Variants in ESRRG observed in about 807,000 individuals in gnomAD.
The protein encoded by ESRRG is estrogen related receptor gamma, also known as estrogen-related receptor gamma.
Under a neutral mutation model 44.0 loss-of-function variants are expected in ESRRG, and 13 were observed. The ratio of observed to expected loss-of-function variants is 0.30; its 90% CI spans 0.19 to 0.47. ESRRG has a LOEUF of 0.47. Ranked by LOEUF, ESRRG falls within the 20% of genes least tolerant of loss-of-function variation. The pLI is 1.00. For missense variants in ESRRG, 395 were observed against 580.6 expected, an observed-to-expected ratio of 0.68 and a Z score of 3.29; for synonymous variants, 215 against 214.6, an observed-to-expected ratio of 1.00 and a Z score of -0.02.
chr1:216,910,563 G>C (rs2060187714), intron 2 of ESRRG, among the ~76,000 whole-genome samples: 1 of 152,142 alleles, frequency 6.6e-6, no homozygotes, highest in Non-Finnish European at 1.5e-5. Context: ...TTCAGCACAA[G>C]TCACAGGACT....
chr1:216,928,585 C>T (rs1338524081), intron 2 of ESRRG, among the ~76,000 whole-genome samples: 1 of 152,072 alleles, frequency 6.6e-6, no homozygotes, highest in Non-Finnish European at 1.5e-5. Flanking sequence ...TCCATCTATC[C>T]TTTCCTTCCC....
At position 216,677,475 on chromosome 1, in the gene ESRRG, A is replaced by G. The variant is rs779156008; in HGVS notation, c.73T>C (p.Ser25Pro). 7 of 1,609,152 alleles carry G rather than the reference A, an allele frequency of 4.4e-6. No individual in the cohort carries two copies. In the African/African-American group the frequency reaches 5.3e-5, roughly 12 times the overall value. ...GAATCAATGTGTCGATCTTTGTTTG[A>G]CATTCTGCAGAGAAGCCTGAGATTG... is the stretch of plus-strand genomic sequence containing the variant. ...HYEEELLCRM[S>P]NKDRHIDSSC... Residue 25 changes from serine to proline, a missense_variant, in exon 2 of 7, where the codon TCA becomes CCA. By Grantham distance (74) the Ser-to-Pro change is moderately conservative (BLOSUM62 -1). Around this residue, in one of 5 missense-constraint regions of ESRRG, gnomAD observed 148 missense variants for 150.4 expected, o/e 0.98. Transcript: ENST00000408911.
chr1:216,620,706 T>C (rs2062085814), intron 3 of ESRRG, among the ~76,000 whole-genome samples: 1 of 152,150 alleles, frequency 6.6e-6, no homozygotes, highest in African/African-American at 2.4e-5. Flanking sequence ...AAGACATATT[T>C]TATTTGACCT....
chr1:216,521,572 A>T (rs1022621154), intron 5 of ESRRG, among the ~76,000 whole-genome samples: 2 of 152,120 alleles, frequency 1.3e-5, no homozygotes, highest in Non-Finnish European at 2.9e-5. Flanking sequence ...CAGCAGATGG[A>T]CAGAGCGTGT....
intron 2 of ESRRG, among the ~76,000 whole-genome samples, chr1:216,810,784 T>C (rs2094946050): frequency 6.7e-6 from 1 of 148,320 alleles, no homozygotes; most frequent in South Asian, 2.1e-4. Context: ...TATACATGTA[T>C]ATTTAACTAA....
At chr1:216,797,434 T>C (rs529187941) in intron 2 of ESRRG, among the ~76,000 whole-genome samples, 31 of 152,254 alleles carry the variant, frequency 2.0e-4, no homozygotes, top group African/African-American at 7.2e-4. Context: ...GGAACTATGT[T>C]CTGCAGTACC....
At chr1:216,823,130 C>T (rs573376873) in intron 2 of ESRRG, among the ~76,000 whole-genome samples, 3 of 151,566 alleles carry the variant, frequency 2.0e-5, no homozygotes, top group South Asian at 2.1e-4. Flanking sequence ...ATCTCGGTGC[C>T]GGATTTCATC....
chr1:216,556,254 G>T (rs1399595740), intron 5 of ESRRG, among the ~76,000 whole-genome samples: 1 of 152,024 alleles, frequency 6.6e-6, no homozygotes, highest in African/African-American at 2.4e-5. Flanking sequence ...CCTGGGCCAG[G>T]TCTATAGGAT....
chr1:216,922,842 A>T (rs1200597755), intron 2 of ESRRG, among the ~76,000 whole-genome samples: 6 of 152,174 alleles, frequency 3.9e-5, no homozygotes, highest in Admixed American at 2.0e-4. Flanking sequence ...TTGTGGCAGC[A>T]AGAGCCATAC....
chr1:217,074,048 CTTT>C (rs1181569293), intron 1 of ESRRG, among the ~76,000 whole-genome samples: 5 of 134,374 alleles, frequency 3.7e-5, no homozygotes, highest in Non-Finnish European at 1.6e-5. Context: ...ATTATGAATG[CTTT>C]TTTTTTTTTT....
intron 5 of ESRRG, among the ~76,000 whole-genome samples, chr1:216,540,127 A>T (rs1168254249): frequency 6.6e-6 from 1 of 152,030 alleles, no homozygotes; most frequent in Non-Finnish European, 1.5e-5. Context: ...CATATCTATT[A>T]TAGAGGTAGC....
chr1:216,909,408 G>A lies in ESRRG; in HGVS notation c.-14+30174C>T, dbSNP rs73097580. The stretch of plus-strand genomic sequence containing the variant: ...ATGGATAGTAACCAGTTCCCATCAG[G>A]TAACACTAGGCCAGAAAGAACTGAC... On this transcript the variant is annotated intron_variant, in intron 2 of 7. Transcript: ENST00000359162. 7.4e-3 allele frequency among the ~76,000 whole-genome samples: 1,122 copies of A among 152,204 alleles called. 13 individuals are homozygous for A. Among genetic ancestry groups the A allele is most frequent in the African/African-American group, 0.026 (1,075 of 41,490 alleles).
intron 5 of ESRRG, among the ~76,000 whole-genome samples, chr1:216,524,510 T>TA (rs1257212130): frequency 6.6e-6 from 1 of 152,036 alleles, no homozygotes; most frequent in Non-Finnish European, 1.5e-5. Flanking sequence ...TTTGAATCTT[T>TA]ACTCTTTTGG....
intron 1 of ESRRG, chr1:216,707,427 C>T: frequency 6.5e-7 from 1 of 1,535,874 alleles, no homozygotes; most frequent in Non-Finnish European, 8.7e-7. Context: ...ATTCTCGCCA[C>T]ATTCAGGATC....
chr1:216,919,772 T>G (rs897843009), intron 2 of ESRRG, among the ~76,000 whole-genome samples: 3 of 152,192 alleles, frequency 2.0e-5, no homozygotes, highest in African/African-American at 7.2e-5. Context: ...AGCAGAACCA[T>G]GCTTTTGCTT....
chr1:216,998,396 C>T (rs1203137977), intron 1 of ESRRG, among the ~76,000 whole-genome samples: 1 of 152,114 alleles, frequency 6.6e-6, no homozygotes, highest in African/African-American at 2.4e-5. Flanking sequence ...GTGTTGTTTG[C>T]CTACAAACAT....
rs11572487 is a variant in ESRRG at position 216,939,674 on chromosome 1, C to G, written c.-105-1G>C. 2.0e-4 allele frequency: 30 copies of G among 149,054 alleles called. No homozygotes were observed. Among genetic ancestry groups the G allele is most frequent in the Non-Finnish European group, 3.8e-4 (26 of 67,660 alleles). The allele number at this position is 149,054 out of a possible 1,614,324, so 9.2% of individuals were successfully genotyped here. A position where few individuals can be genotyped will look rare whatever the true frequency, so the allele number is the denominator to read the frequency against. ...TTGATGAACCAGTAAATTGTCAGCT[C>G]TATTCATTTATGTGACGTGAGCAAG... On this transcript the variant is annotated splice_acceptor_variant, in intron 1 of 7. Transcript: ENST00000359162. LOFTEE classifies it low-confidence loss of function (5UTR_SPLICE).
At chr1:216,897,072 T>A (rs1368966246) in intron 2 of ESRRG, among the ~76,000 whole-genome samples, 1 of 152,158 alleles carries the variant, frequency 6.6e-6, no homozygotes, top group Admixed American at 6.5e-5. Flanking sequence ...GAGAAGAGTT[T>A]AAGTTTGTCT....
chr1:217,102,258 T>C (rs2092527773), intron 1 of ESRRG, among the ~76,000 whole-genome samples: 1 of 152,208 alleles, frequency 6.6e-6, no homozygotes, highest in South Asian at 2.1e-4. Flanking sequence ...GTTAGGAAAC[T>C]TGCTGGGGTT....
Sources: gnomAD v4.1 joint callset for allele counts (sites outside exome capture counted in the v4.1 genomes callset) on GRCh38, gnomAD v4.1.1 for gene constraint, gnomAD v4.1.1 regional missense constraint, MANE v1.5 for transcripts, NCBI Gene and HGNC (gene_info 2026-07-23, HGNC 2026-07-21) for gene names.